Variants in CFLAR observed in about 807,000 individuals in gnomAD.
CFLAR encodes CASP8 and FADD-like apoptosis regulator.
In CFLAR, 14 loss-of-function variants were observed where a neutral mutation model predicts 51.1. The observed-to-expected ratio is 0.27, with a 90% CI of 0.18 to 0.43. CFLAR has a LOEUF of 0.43. CFLAR is among the 20% of genes least tolerant of loss of function. CFLAR has a pLI of 1.00. For synonymous variants in CFLAR, 210 were observed against 211.6 expected, an observed-to-expected ratio of 0.99 and a Z score of 0.06; for missense variants, 390 against 566.5, an observed-to-expected ratio of 0.69 and a Z score of 3.16.
intron 1 of CFLAR, 157 bp from the exon 2 acceptor site, chr2:201,129,572 C>A: frequency 2.4e-6 from 1 of 424,812 alleles, no homozygotes; most frequent in Non-Finnish European, 4.1e-6. Context: ...GTTCTGTCTA[C>A]CAAGGATCCC....
In CFLAR at chr2:201,140,451, G is replaced by C. The variant is rs1938420349; in HGVS notation, c.606+12G>C. 6.3e-7 allele frequency: 1 copy of C among 1,576,334 alleles called. No individual in the cohort carries two copies. Among genetic ancestry groups the C allele is most frequent in the African/African-American group, 1.4e-5 (1 of 72,992 alleles). ...CAAATAACTTCAGGGTGAGTCTGGA[G>C]AAAACATATGGAATCCCAGCATGAA... On this transcript the variant is annotated intron_variant, in intron 5 of 9. Transcript: ENST00000309955.
intron 1 of CFLAR, among the ~76,000 whole-genome samples, chr2:201,126,676 G>C (rs553323561): frequency 2.3e-4 from 35 of 152,306 alleles, no homozygotes; most frequent in African/African-American, 6.7e-4. Flanking sequence ...CCCTGGCTGA[G>C]GCAAGGTTGT....
intron 6 of CFLAR, 101 bp from the exon 7 acceptor site, chr2:201,148,902 A>G (rs1460774132): frequency 7.7e-6 from 6 of 776,008 alleles, no homozygotes; most frequent in Non-Finnish European, 1.4e-5. Context: ...TGAAGAAAAT[A>G]GGAAGGGAGA....
intron 8 of CFLAR, chr2:201,157,906 T>G (rs1158890906): frequency 6.6e-6 from 1 of 152,266 alleles, no homozygotes; most frequent in African/African-American, 2.4e-5. Context: ...GGTAATGTCT[T>G]CAGGCTGGGC....
chr2:201,147,587 C>T (rs115278988), intron 6 of CFLAR, among the ~76,000 whole-genome samples: 95 of 148,254 alleles, frequency 6.4e-4, no homozygotes, highest in African/African-American at 2.2e-3. Context: ...TTAAAATACT[C>T]GGCCAGGCAT....
At position 201,160,794 on chromosome 2, in the gene CFLAR, A is replaced by C; in HGVS notation, c.1156A>C (p.Lys386Gln). The C allele has an allele frequency of 6.2e-7, 1 of 1,614,144 alleles. No homozygotes were observed. ...GCCAGCGATGAAGAATGTGGAATTCAAGGCTCAGAAGCGAGGGCTGTGCAC... is the reference window on the plus strand; with the variant it reads ...GCCAGCGATGAAGAATGTGGAATTCCAGGCTCAGAAGCGAGGGCTGTGCAC... ...DGPAMKNVEF[K>Q]AQKRGLCTVH... Residue 386 changes from lysine to glutamine, a missense_variant, in exon 9 of 10, where the codon AAG becomes CAG. Physicochemically the swap from Lys to Gln is moderately conservative, Grantham distance 53 (BLOSUM62 1). Coordinates refer to ENST00000309955, the MANE Select transcript of CFLAR (RefSeq NM_003879.7).
chr2:201,128,982 C>T (rs1213336724), intron 1 of CFLAR, among the ~76,000 whole-genome samples: 6 of 152,166 alleles, frequency 3.9e-5, no homozygotes, highest in Non-Finnish European at 7.4e-5. Context: ...CCACTGAGAA[C>T]ATCAGAAGCA....
intron 8 of CFLAR, chr2:201,154,565 C>G (rs921800546): frequency 1.3e-5 from 2 of 152,222 alleles, no homozygotes; most frequent in Non-Finnish European, 2.9e-5. Flanking sequence ...CTATGGGTCT[C>G]CAGTACCTGG....
At chr2:201,162,171 C>T (rs1010066615) in intron 9 of CFLAR, among the ~76,000 whole-genome samples, 2 of 152,056 alleles carry the variant, frequency 1.3e-5, no homozygotes, top group African/African-American at 4.8e-5. Context: ...TGGCACACCT[C>T]GGCTTACTGC....
Position 201,165,318 on chromosome 2 carries a change from T to C in CFLAR, c.*1345T>C, listed in dbSNP as rs1943432273. The C allele has an allele frequency of 2.0e-5, 3 of 150,796 alleles. No homozygotes were observed. The South Asian group carries it at 6.3e-4, about 32-fold the overall frequency. The allele number at this position is 150,796 out of a possible 1,614,324, so 9.3% of individuals were successfully genotyped here. On this transcript the variant is annotated 3_prime_UTR_variant, in exon 10 of 10. Coordinates refer to ENST00000309955, the MANE Select transcript of CFLAR (RefSeq NM_003879.7). ...CAGAGTTTCATTCTGCTGCCCAGGC[T>C]GGAGTGCAGTGGCATCATCTTGGCT...
chr2:201,169,988 A>G lies in CFLAR; in HGVS notation c.*6015A>G, dbSNP rs898622271. On this transcript the variant is annotated 3_prime_UTR_variant, in exon 10 of 10. Transcript: ENST00000309955. ...GGCGAGGCTGTGGAGAAGTAGGAAC[A>G]CTTTTACATTGTTGGTGGGAATGTA... 1 of 152,222 alleles carries G rather than the reference A, an allele frequency of 6.6e-6. No individual in the cohort carries two copies. The highest frequency in any genetic ancestry group is 2.4e-5 in the African/African-American group (1 of 41,464). The allele number at this position is 152,222 out of a possible 1,614,324, so 9.4% of individuals were successfully genotyped here.
In CFLAR at chr2:201,168,929, G is replaced by T. The variant is rs1196312319; in HGVS notation, c.*4956G>T. The stretch of plus-strand genomic sequence containing the variant: ...AATAAGATGTGAAGGATCTCTTCAA[G>T]GAGAACTACAAACCACTGCTCAAGG... On this transcript the variant is annotated 3_prime_UTR_variant, in exon 10 of 10. Transcript: ENST00000309955. The T allele has an allele frequency of 6.6e-6, 1 of 152,028 alleles. No individual in the cohort carries two copies. Among genetic ancestry groups the T allele is most frequent in the Non-Finnish European group, 1.5e-5 (1 of 68,012 alleles). The allele number at this position is 152,028 out of a possible 1,614,324, so 9.4% of individuals were successfully genotyped here.
In CFLAR at chr2:201,140,448, G is replaced by A; in HGVS notation, c.606+9G>A. The A allele has an allele frequency of 1.3e-6, 2 of 1,578,154 alleles. No individual in the cohort carries two copies. Among genetic ancestry groups the A allele is most frequent in the Non-Finnish European group, 1.7e-6 (2 of 1,166,544 alleles). Reference sequence around the variant, plus strand: ...CTTCAAATAACTTCAGGGTGAGTCTGGAGAAAACATATGGAATCCCAGCAT... The same window carrying A: ...CTTCAAATAACTTCAGGGTGAGTCTAGAGAAAACATATGGAATCCCAGCAT... On this transcript the variant is annotated intron_variant, in intron 5 of 9. Transcript: ENST00000309955.
rs192733942 is a variant in CFLAR, at chr2:201,129,757, G to A, written c.-109G>A. The A allele has an allele frequency of 6.2e-4, 639 of 1,038,776 alleles. 5 individuals are homozygous for A. In the African/African-American group the frequency reaches 9.2e-3, roughly 15 times the overall value. The allele number at this position is 1,038,776 out of a possible 1,614,324, so 64.3% of individuals were successfully genotyped here. On this transcript the variant is annotated 5_prime_UTR_variant, in exon 2 of 10. Coordinates refer to ENST00000309955, the MANE Select transcript of CFLAR (RefSeq NM_003879.7). ...TCCCCCACTGGAAAGGATTCTGAAA[G>A]AAATGAAGTCAGCCCTCAGAAATGA...
At chr2:201,131,319 C>G (rs969019726) in intron 2 of CFLAR, among the ~76,000 whole-genome samples, 14 of 151,800 alleles carry the variant, frequency 9.2e-5, no homozygotes, top group South Asian at 4.2e-4. Context: ...TCACTGTAAC[C>G]TCTGCTTCTG....
intron 8 of CFLAR, chr2:201,154,120 T>G (rs1941761740): frequency 3.3e-6 from 1 of 299,468 alleles, no homozygotes; most frequent in African/African-American, 2.3e-5. Context: ...AGACGGAGTT[T>G]CCCTTTTGTT....
Position 201,165,662 on chromosome 2 carries a change from G to C in CFLAR, c.*1689G>C, listed in dbSNP as rs1943467001. On this transcript the variant is annotated 3_prime_UTR_variant, in exon 10 of 10. Transcript: ENST00000309955. Reference sequence around the variant, plus strand: ...TTGGCAGGGTCACAGGACAATAGTGGAGGGAAGGTCAGCAGATAAACAAGT... The same window carrying C: ...TTGGCAGGGTCACAGGACAATAGTGCAGGGAAGGTCAGCAGATAAACAAGT... 6.5e-6 allele frequency: 1 copy of C among 154,798 alleles called. No homozygotes were observed. The highest frequency in any genetic ancestry group is 1.4e-5 in the Non-Finnish European group (1 of 70,108). 9.6% of individuals were successfully genotyped at this position (154,798 alleles called of 1,614,324 possible).
chr2:201,149,136 G>T (rs1940815972), intron 7 of CFLAR, 84 bp downstream of exon 7: 1 of 911,470 alleles, frequency 1.1e-6, no homozygotes. Context: ...TGTCCATTAA[G>T]AATTCTTTGA....
intron 2 of CFLAR, among the ~76,000 whole-genome samples, chr2:201,132,428 A>AT (rs1559187626): frequency 7.9e-6 from 1 of 126,992 alleles, no homozygotes; most frequent in African/African-American, 3.3e-5. Flanking sequence ...TAGGGGGGGA[A>AT]AAATATATAT....
Sources: allele counts gnomAD v4.1 joint callset (sites outside exome capture counted in the v4.1 genomes callset), GRCh38; gene constraint gnomAD v4.1.1; transcripts MANE v1.5; gene names NCBI Gene and HGNC (gene_info 2026-07-23, HGNC 2026-07-21).